The following OR56A3 variants were observed in gnomAD, a reference collection of about 807,000 sequenced individuals.
The protein encoded by OR56A3 is olfactory receptor family 56 subfamily A member 3.
In OR56A3, 23 loss-of-function variants were observed where a neutral mutation model predicts 17.5. The ratio of observed to expected loss-of-function variants is 1.32; its 90% CI spans 0.95 to 1.87. The LOEUF (loss-of-function observed/expected upper bound fraction) is 1.87, where lower values mean the gene tolerates loss of function less well. OR56A3 is among the 40% of genes most tolerant of loss of function. The pLI, the probability that OR56A3 is intolerant of heterozygous loss-of-function variation, is 0.00. For missense variants in OR56A3, 366 were observed against 380.1 expected (o/e 0.96, Z 0.31); for synonymous variants, 175 against 150.6 (o/e 1.16, Z -1.19).
the OR56A3 span, among the ~76,000 whole-genome samples, chr11:6,014,987 G>T: frequency 5.4e-5 from 1 of 18,574 alleles, no homozygotes; most frequent in Non-Finnish European, 1.0e-4. Context: ...CATATTCATG[G>T]GCAAAAAAAA....
chr11:6,002,479 A>G, the OR56A3 span: 3 of 1,614,128 alleles, frequency 1.9e-6, no homozygotes, highest in African/African-American at 1.3e-5. Context: ...TTTCCTGCAC[A>G]GTATCTGAGC....
chr11:5,994,514 T>A, the OR56A3 span: 1 of 880,842 alleles, frequency 1.1e-6, no homozygotes, highest in Non-Finnish European at 1.9e-6. Context: ...TACTTCCTTT[T>A]CATGGTTCTT....
the OR56A3 span, among the ~76,000 whole-genome samples, chr11:5,993,524 TA>T: frequency 6.6e-6 from 1 of 152,180 alleles, no homozygotes; most frequent in Non-Finnish European, 1.5e-5. Context: ...TCTGAGAATG[TA>T]AAAACCTGTT....
At chr11:5,970,451 G>C in the OR56A3 span, among the ~76,000 whole-genome samples, 1 of 152,172 alleles carries the variant, frequency 6.6e-6, no homozygotes, top group Admixed American at 6.5e-5. Flanking sequence ...CATGTGAAGA[G>C]AGAAATAGAA....
chr11:5,997,781 C>G, the OR56A3 span, among the ~76,000 whole-genome samples: 1 of 152,134 alleles, frequency 6.6e-6, no homozygotes, highest in African/African-American at 2.4e-5. Flanking sequence ...TACACAGTAT[C>G]CATAAACCGG....
At chr11:5,982,611 A>G in the OR56A3 span, among the ~76,000 whole-genome samples, 1 of 152,112 alleles carries the variant, frequency 6.6e-6, no homozygotes, top group African/African-American at 2.4e-5. Context: ...CTACAGGGCC[A>G]ACAGTCAACA....
At chr11:6,011,497 A>G in the OR56A3 span, among the ~76,000 whole-genome samples, 1 of 128,654 alleles carries the variant, frequency 7.8e-6, no homozygotes, top group Non-Finnish European at 1.7e-5. Context: ...TATCTGCCTC[A>G]GTTCAAAACA....
chr11:5,957,379 C>G, the OR56A3 span, among the ~76,000 whole-genome samples: 1 of 152,164 alleles, frequency 6.6e-6, no homozygotes, highest in Admixed American at 6.5e-5. Flanking sequence ...CTTAATCTAT[C>G]TCATAAGCAT....
chr11:5,954,277 A>G (rs1288890196), downstream of OR56A3, among the ~76,000 whole-genome samples: 5 of 152,134 alleles, frequency 3.3e-5, no homozygotes, highest in South Asian at 2.1e-4. Context: ...GTGCCTTTTT[A>G]TCTCTCTTGA....
At chr11:5,971,354 T>G in the OR56A3 span, among the ~76,000 whole-genome samples, 3 of 152,344 alleles carry the variant, frequency 2.0e-5, no homozygotes, top group East Asian at 5.8e-4. Flanking sequence ...TTTCTTTTCC[T>G]TAGTCCACTG....
chr11:5,945,327 C>A (rs940502363), intron 2 of OR56A3, among the ~76,000 whole-genome samples: 1 of 152,076 alleles, frequency 6.6e-6, no homozygotes, highest in Non-Finnish European at 1.5e-5. Context: ...GTAATCCCAG[C>A]ACTTTGGGAG....
At chr11:5,964,240 CA>C in the OR56A3 span, among the ~76,000 whole-genome samples, 1 of 152,172 alleles carries the variant, frequency 6.6e-6, no homozygotes, top group East Asian at 1.9e-4. Flanking sequence ...CAATTGCTGG[CA>C]CCTTACTTTG....
chr11:5,988,411 G>A, the OR56A3 span, among the ~76,000 whole-genome samples: 15,311 of 152,150 alleles, frequency 0.1, 837 homozygotes, highest in South Asian at 0.16. Context: ...AATGGAGGAA[G>A]ACAGACTTAG....
chr11:5,958,784 C>T, the OR56A3 span, among the ~76,000 whole-genome samples: 1 of 152,050 alleles, frequency 6.6e-6, no homozygotes, highest in African/African-American at 2.4e-5. Context: ...TCTTCTAATG[C>T]CCTCCTCCTC....
At chr11:5,972,434 C>G in the OR56A3 span, among the ~76,000 whole-genome samples, 1 of 152,180 alleles carries the variant, frequency 6.6e-6, no homozygotes, top group Non-Finnish European at 1.5e-5. Flanking sequence ...TGGCCCAACA[C>G]AGCATTGCTC....
At chr11:6,001,653 CAG>C in the OR56A3 span, 2 of 159,526 alleles carry the variant, frequency 1.3e-5, no homozygotes, top group South Asian at 3.8e-4. Flanking sequence ...CAGGCTGAAT[CAG>C]AGACAGGGAA....
At chr11:5,942,693 C>A (rs1306779233) in intron 1 of OR56A3, among the ~76,000 whole-genome samples, 3 of 152,208 alleles carry the variant, frequency 2.0e-5, no homozygotes, top group African/African-American at 4.8e-5. Context: ...GGAAGTAGTT[C>A]AAAATATTTC....
In OR56A3 at chr11:5,950,210, G is replaced by C. The variant is rs931020861; in HGVS notation, c.*1916G>C. The stretch of plus-strand genomic sequence containing the variant: ...AACTTTGAGGACTAGTTATTTTCAA[G>C]ATCACATCGTTTGTATGACAAATCC... On this transcript the variant is annotated 3_prime_UTR_variant, in exon 3 of 3. Coordinates refer to ENST00000641160, the MANE Select transcript of OR56A3 (RefSeq NM_001003443.3). The C allele has an allele frequency of 8.5e-5, 13 of 152,100 alleles. No homozygotes were observed. The highest frequency in any genetic ancestry group is 3.1e-4 in the African/African-American group (13 of 41,430). The allele number at this position is 152,100 out of a possible 1,614,324, so 9.4% of individuals were successfully genotyped here.
At position 5,948,144 on chromosome 11, in the gene OR56A3, T is replaced by C. The variant is rs374274887; in HGVS notation, c.798T>C (p.His266=). 9 of 1,614,230 alleles carry C rather than the reference T, an allele frequency of 5.6e-6. No individual in the cohort carries two copies. The highest frequency in any genetic ancestry group is 5.1e-6 in the Non-Finnish European group (6 of 1,180,042). Residue 266 remains histidine (H), a synonymous_variant, in exon 3 of 3, where the codon CAT becomes CAC. Coordinates refer to ENST00000641160, the MANE Select transcript of OR56A3 (RefSeq NM_001003443.3). ...TCCTTCTGGTTTTTGTCCTCACACA[T>C]GTGGCTAAGAAGAAAGTCTCCCCTG... The part of the protein sequence containing the change: ...STILLVFVLT[H]VAKKKVSPDV...
Sources: gnomAD v4.1 joint callset for allele counts (sites outside exome capture counted in the v4.1 genomes callset) on GRCh38, gnomAD v4.1.1 for gene constraint, MANE v1.5 for transcripts, NCBI Gene and HGNC (gene_info 2026-07-23, HGNC 2026-07-21) for gene names.